The following TRAPPC8 variants were observed in gnomAD, a reference collection of about 807,000 sequenced individuals.
The protein encoded by TRAPPC8 is trafficking protein particle complex subunit 8, also known as general sporulation gene 1 homolog.
A neutral mutation model predicts 174.3 loss-of-function variants in TRAPPC8; 54 were observed. The observed-to-expected ratio is 0.31, with a 90% CI of 0.25 to 0.39. The LOEUF is 0.39. Among genes scored for constraint, TRAPPC8 ranks in the 10% least tolerant of loss-of-function variants. The pLI, the probability that TRAPPC8 is intolerant of heterozygous loss-of-function variation, is 1.00. For synonymous variants in TRAPPC8, 630 were observed against 579.9 expected, an observed-to-expected ratio of 1.09 and a Z score of -1.24; for missense variants, 1,531 against 1,699.1, an observed-to-expected ratio of 0.90 and a Z score of 1.74.
chr18:31,906,714 T>C (rs1320489498), intron 9 of TRAPPC8, among the ~76,000 whole-genome samples: 2 of 152,242 alleles, frequency 1.3e-5, no homozygotes, highest in African/African-American at 4.8e-5. Context: ...TAGCAAATTC[T>C]TTGGAAATAC....
chr18:31,850,326 C>G (rs894038515), intron 24 of TRAPPC8, among the ~76,000 whole-genome samples: 37 of 152,088 alleles, frequency 2.4e-4, no homozygotes, highest in African/African-American at 8.4e-4. Context: ...CTTTGACCTT[C>G]CAAGTATCTA....
chr18:31,844,908 T>C (rs1217392833), intron 26 of TRAPPC8: 1 of 151,966 alleles, frequency 6.6e-6, no homozygotes, highest in Non-Finnish European at 1.5e-5. Flanking sequence ...ATGCAACACA[T>C]CACTTAGTAT....
At chr18:31,913,325 A>C in intron 5 of TRAPPC8, 44 bp downstream of exon 5, 1 of 1,523,266 alleles carries the variant, frequency 6.6e-7, no homozygotes, top group Non-Finnish European at 8.8e-7. Context: ...GTAAAAACTG[A>C]AGTATCGTTT....
intron 14 of TRAPPC8, among the ~76,000 whole-genome samples, chr18:31,872,572 A>C (rs912509757): frequency 2.6e-5 from 4 of 152,160 alleles, no homozygotes; most frequent in Admixed American, 2.0e-4. Flanking sequence ...GGCGCATGCC[A>C]CCACGCCCAG....
Position 31,880,081 on chromosome 18 carries a change from GAA to G in TRAPPC8, c.1729-5379_1729-5378del, listed in dbSNP as rs749972515. ...TGGTACCAATTTTACTGAAACTATT[GAA>G]AAAAAAAATATATATATATATATAT... On this transcript the variant is annotated intron_variant, in intron 12 of 28. Transcript: ENST00000283351. 8.2e-4 allele frequency among the ~76,000 whole-genome samples: 43 copies of G among 52,736 alleles called. 2 individuals carry two copies. Among genetic ancestry groups the G allele is most frequent in the African/African-American group, 2.6e-3 (28 of 10,694 alleles). 34.6% of individuals were successfully genotyped at this position (52,736 alleles called of 152,430 possible).
At chr18:31,883,095 C>T (rs985465869) in intron 12 of TRAPPC8, among the ~76,000 whole-genome samples, 6 of 150,856 alleles carry the variant, frequency 4.0e-5, no homozygotes, top group East Asian at 4.0e-4. Context: ...TGGTAGCGTG[C>T]GCCTGTAATC....
chr18:31,904,442 G>C (rs889232026), intron 9 of TRAPPC8, among the ~76,000 whole-genome samples: 1 of 151,982 alleles, frequency 6.6e-6, no homozygotes, highest in African/African-American at 2.4e-5. Flanking sequence ...TCAGCTATTC[G>C]GGAGGCTGAG....
chr18:31,859,004 G>C (rs1446318311), intron 19 of TRAPPC8, among the ~76,000 whole-genome samples: 1 of 152,054 alleles, frequency 6.6e-6, no homozygotes, highest in Non-Finnish European at 1.5e-5. Context: ...GCAGTGGGAG[G>C]ACTGCTCGAG....
intron 27 of TRAPPC8, among the ~76,000 whole-genome samples, chr18:31,834,967 AT>A (rs1392701772): frequency 6.6e-6 from 1 of 152,164 alleles, no homozygotes; most frequent in African/African-American, 2.4e-5. Context: ...TCAACAATAG[AT>A]GCTGTATTTC....
At chr18:31,838,327 CT>C (rs926439079) in intron 27 of TRAPPC8, among the ~76,000 whole-genome samples, 1 of 152,194 alleles carries the variant, frequency 6.6e-6, no homozygotes, top group African/African-American at 2.4e-5. Flanking sequence ...TAACTACCCC[CT>C]GAAATGGAGG....
At chr18:31,882,957 G>A (rs2035527692) in intron 12 of TRAPPC8, among the ~76,000 whole-genome samples, 3 of 146,428 alleles carry the variant, frequency 2.0e-5, no homozygotes, top group African/African-American at 7.5e-5. Context: ...AGGCGCAGTG[G>A]CTCACACCTG....
At chr18:31,918,483 G>C (rs1019498286) in intron 2 of TRAPPC8, among the ~76,000 whole-genome samples, 1 of 152,076 alleles carries the variant, frequency 6.6e-6, no homozygotes, top group African/African-American at 2.4e-5. Flanking sequence ...GATATTTTTC[G>C]TTATCAGTTC....
At chr18:31,934,652 G>C (rs1034196283) in intron 1 of TRAPPC8, among the ~76,000 whole-genome samples, 16 of 152,280 alleles carry the variant, frequency 1.1e-4, no homozygotes, top group Admixed American at 6.5e-4. Flanking sequence ...CGGATCACCA[G>C]AGGTCAGGAG....
intron 24 of TRAPPC8, among the ~76,000 whole-genome samples, chr18:31,850,083 G>A (rs2033630701): frequency 6.6e-6 from 1 of 151,952 alleles, no homozygotes. Flanking sequence ...CTTCCGAGTA[G>A]CTAGGTTACA....
rs190387715 is a variant in TRAPPC8 at position 31,893,096 on chromosome 18, T to G, written c.1597-2230A>C. On this transcript the variant is annotated intron_variant, in intron 11 of 28. Transcript: ENST00000283351. ...TTGTAGGACTGTTAATCTTTTCATA[T>G]GTTTAGGGGATTTTGTAATTTTCCT... 3.2e-4 allele frequency among the ~76,000 whole-genome samples: 48 copies of G among 152,200 alleles called. No individual in the cohort carries two copies. In the Middle Eastern group the frequency reaches 0.01, roughly 32 times the overall value.
chr18:31,871,188 C>A, intron 14 of TRAPPC8, 68 bp from the exon 15 acceptor site: 1 of 923,114 alleles, frequency 1.1e-6, no homozygotes, highest in Non-Finnish European at 1.5e-6. Context: ...TTTAAATAGA[C>A]ATAAGGTACA....
chr18:31,871,685 C>CTCTT (rs1460450808), intron 14 of TRAPPC8, among the ~76,000 whole-genome samples: 1 of 152,102 alleles, frequency 6.6e-6, no homozygotes, highest in Non-Finnish European at 1.5e-5. Flanking sequence ...CTGTAATTGA[C>CTCTT]TCTTCACTCA....
intron 2 of TRAPPC8, among the ~76,000 whole-genome samples, chr18:31,919,532 CAAAATAAATAAA>C (rs1265240877): frequency 3.4e-5 from 4 of 119,136 alleles, no homozygotes; most frequent in African/African-American, 9.8e-5. Flanking sequence ...GACTCAGTCT[CAAAATAAATAAA>C]TAAATAAATA....
Position 31,942,790 on chromosome 18 carries a change from C to G in TRAPPC8, c.-26G>C. ...CGCCGCAGCACAGGCAGCGGCGGCG[C>G]CCGCCCTCCGGCCCACCCTGCGAGG... On this transcript the variant is annotated 5_prime_UTR_variant, in exon 1 of 29. Transcript: ENST00000283351. 4 of 1,380,038 alleles carry G rather than the reference C, an allele frequency of 2.9e-6. No homozygotes were observed. The highest frequency in any genetic ancestry group is 3.8e-6 in the Non-Finnish European group (4 of 1,056,912). 85.5% of individuals were successfully genotyped at this position (1,380,038 alleles called of 1,614,324 possible).
Sources: gnomAD v4.1 joint callset for allele counts (sites outside exome capture counted in the v4.1 genomes callset) on GRCh38, gnomAD v4.1.1 for gene constraint, MANE v1.5 for transcripts, NCBI Gene and HGNC (gene_info 2026-07-23, HGNC 2026-07-21) for gene names.